Variants in PLCE1 observed in about 807,000 individuals in gnomAD.
PLCE1 encodes phospholipase C epsilon 1.
A neutral mutation model predicts 242.8 loss-of-function variants in PLCE1; 119 were observed. The ratio of observed to expected loss-of-function variants is 0.49; its 90% CI spans 0.42 to 0.57. The LOEUF is 0.57. PLCE1 is among the 20% of genes least tolerant of loss of function. The probability of loss-of-function intolerance (pLI) is 0.00; values close to 1 mark genes in which losing one functional copy is unlikely to be tolerated. For synonymous variants in PLCE1, 945 were observed against 1,017.4 expected, an observed-to-expected ratio of 0.93 and a Z score of 1.35; for missense variants, 2,441 against 2,788.8, an observed-to-expected ratio of 0.88 and a Z score of 2.81.
intron 3 of PLCE1, among the ~76,000 whole-genome samples, chr10:94,169,002 AT>A (rs951755120): frequency 6.6e-5 from 10 of 151,720 alleles, no homozygotes; most frequent in East Asian, 1.9e-4. Flanking sequence ...CCTGATTTTA[AT>A]TTTTTTTTAA....
chr10:94,306,138 A>AT lies in PLCE1; in HGVS notation c.5623-283dup, dbSNP rs1344865742. Reference sequence around the variant, plus strand: ...AGGCGCACACCACCATGCCCAGCTAATTTTTTGTATTTTAGTAGAGACAGG... The same window carrying AT: ...AGGCGCACACCACCATGCCCAGCTAATTTTTTTGTATTTTAGTAGAGACAGG... On this transcript the variant is annotated intron_variant, in intron 25 of 32. Transcript: ENST00000371380. The surrounding 1 kb of genome is among the most constrained non-coding windows in gnomAD (Gnocchi z 5.7). 6.6e-6 allele frequency among the ~76,000 whole-genome samples: 1 copy of AT among 151,844 alleles called. No individual in the cohort carries two copies. The highest frequency in any genetic ancestry group is 1.5e-5 in the Non-Finnish European group (1 of 67,952).
rs148247669 is a variant in PLCE1 at position 94,000,808 on chromosome 10, C to T, written c.-365+6550C>T. ...CCTCTCATGGGTGCAGCAGCCGCAGCGCCCTGAAGTCTCTGAAGTCTCATT... is the reference window on the plus strand; with the variant it reads ...CCTCTCATGGGTGCAGCAGCCGCAGTGCCCTGAAGTCTCTGAAGTCTCATT... On this transcript the variant is annotated intron_variant, in intron 1 of 32. Transcript: ENST00000371380. Among the ~76,000 whole-genome samples the T allele has an allele frequency of 7.8e-3, 1,190 of 152,276 alleles. 14 individuals are homozygous for T. Among genetic ancestry groups the T allele is most frequent in the African/African-American group, 0.027 (1,104 of 41,546 alleles).
chr10:94,041,197 G>T (rs2061760039), intron 2 of PLCE1, among the ~76,000 whole-genome samples: 1 of 152,028 alleles, frequency 6.6e-6, no homozygotes, highest in Non-Finnish European at 1.5e-5. Context: ...CTGACAGTCA[G>T]TGCTCAATAT....
At chr10:94,265,090 G>T (rs1321988721) in intron 14 of PLCE1, among the ~76,000 whole-genome samples, 1 of 152,340 alleles carries the variant, frequency 6.6e-6, no homozygotes, top group East Asian at 1.9e-4. Context: ...TACACTACAG[G>T]GTGTCAGCAG....
chr10:94,234,656 G>A (rs2050257041), intron 6 of PLCE1, among the ~76,000 whole-genome samples: 1 of 152,202 alleles, frequency 6.6e-6, no homozygotes, highest in Non-Finnish European at 1.5e-5. Context: ...TCAATTGAGA[G>A]TATTAAGTTT....
rs369944792 is a variant in PLCE1, at chr10:94,134,248, G to A, written c.1492+1789G>A. Among the ~76,000 whole-genome samples, 13 of 152,122 alleles carry A rather than the reference G, an allele frequency of 8.5e-5. No individual in the cohort carries two copies. The East Asian group carries it at 1.2e-3, about 14-fold the overall frequency. Reference sequence around the variant, plus strand: ...CGAGTAGCTGGGACCACAGGCACACGCCACCTCGTCTGGCTAATTTTTGTA... The same window carrying A: ...CGAGTAGCTGGGACCACAGGCACACACCACCTCGTCTGGCTAATTTTTGTA... On this transcript the variant is annotated intron_variant, in intron 3 of 32. Transcript: ENST00000371380.
intron 21 of PLCE1, 109 bp from the exon 22 acceptor site, chr10:94,284,739 G>T: frequency 1.3e-6 from 1 of 745,720 alleles, no homozygotes; most frequent in Non-Finnish European, 2.5e-6. Flanking sequence ...ACCATGCAAG[G>T]GGAAATACAG....
At chr10:94,287,123 G>A (rs1183793367) in intron 22 of PLCE1, 1 of 152,192 alleles carries the variant, frequency 6.6e-6, no homozygotes, top group East Asian at 1.9e-4. Context: ...TAAGCATGTG[G>A]TTGTTCGGCT....
chr10:94,281,983 G>C (rs1421087672), intron 20 of PLCE1, among the ~76,000 whole-genome samples: 1 of 151,564 alleles, frequency 6.6e-6, no homozygotes, highest in Non-Finnish European at 1.5e-5. Flanking sequence ...CTCTTAGGGG[G>C]CCTAAAAGGT....
chr10:94,119,066 C>T (rs1015933861), intron 2 of PLCE1, among the ~76,000 whole-genome samples: 12 of 152,212 alleles, frequency 7.9e-5, no homozygotes, highest in African/African-American at 2.9e-4. Flanking sequence ...AGTCCTCGCC[C>T]ACCCTGTGGG....
At chr10:94,196,289 C>G (rs902157952) in intron 4 of PLCE1, among the ~76,000 whole-genome samples, 7 of 152,148 alleles carry the variant, frequency 4.6e-5, no homozygotes, top group African/African-American at 1.4e-4. Flanking sequence ...TGCTGTTGCT[C>G]TATCCTATGT....
rs749311423 is a variant in PLCE1, at chr10:94,087,132, G to T, written c.1207-45042G>T. 1.2e-4 allele frequency among the ~76,000 whole-genome samples: 19 copies of T among 152,156 alleles called. No individual in the cohort carries two copies. In the Middle Eastern group the frequency reaches 0.01, roughly 82 times the overall value. On this transcript the variant is annotated intron_variant, in intron 2 of 32. Coordinates refer to ENST00000371380, the MANE Select transcript of PLCE1 (RefSeq NM_016341.4). ...GGAGGCCAAGGCATGAGGATTACTTGAGCCCAGGAGTTCGAGACCAGCCTG... is the reference window on the plus strand; with the variant it reads ...GGAGGCCAAGGCATGAGGATTACTTTAGCCCAGGAGTTCGAGACCAGCCTG...
chr10:94,223,819 T>C (rs1053199168), intron 4 of PLCE1, among the ~76,000 whole-genome samples: 7 of 152,176 alleles, frequency 4.6e-5, no homozygotes, highest in Non-Finnish European at 8.8e-5. Flanking sequence ...TAAACCATAG[T>C]ACTTTATATT....
intron 2 of PLCE1, chr10:94,108,471 C>G (rs932852736): frequency 1.3e-5 from 2 of 152,284 alleles, no homozygotes; most frequent in Admixed American, 1.3e-4. Context: ...CAACCTCTTT[C>G]TAACCCATGG....
At chr10:94,030,310 C>CT (rs2061531608) in intron 1 of PLCE1, among the ~76,000 whole-genome samples, 1 of 151,884 alleles carries the variant, frequency 6.6e-6, no homozygotes, top group Non-Finnish European at 1.5e-5. Context: ...CCTTCCTTGC[C>CT]TTGTTGCCTG....
chr10:94,312,864 G>T (rs2053429620), intron 27 of PLCE1, among the ~76,000 whole-genome samples: 1 of 152,288 alleles, frequency 6.6e-6, no homozygotes, highest in South Asian at 2.1e-4. Context: ...TCATGTGCCT[G>T]AATGATGTAC....
intron 31 of PLCE1, 134 bp from the exon 32 acceptor site, chr10:94,324,758 T>C: frequency 9.9e-7 from 1 of 1,014,586 alleles, no homozygotes; most frequent in Non-Finnish European, 1.5e-6. Flanking sequence ...TAAGCAGTCC[T>C]AGAGGGGAGC....
In PLCE1 at chr10:94,234,117, C is replaced by A. The variant is rs370241315; in HGVS notation, c.2019C>A (p.Ser673Arg). The change falls in exon 6 of 33, where the codon AGC (serine) becomes AGA (arginine). Residue 673 changes from serine (S) to arginine (R), a missense_variant. By Grantham distance (110) the Ser-to-Arg change is moderately radical. This residue lies in a region of PLCE1 where 733 missense variants were observed against 754.2 expected (regional missense o/e 0.97). Transcript: ENST00000371380. ...AGTCTGATATTGAGACCATGAGGAG[C>A]CTGAAGGATGCTATGGCCCAGCATG... ...MDQSDIETMR[S>R]LKDAMAQHES... 2.3e-5 allele frequency: 37 copies of A among 1,613,636 alleles called. No homozygotes were observed. The African/African-American group carries it at 4.5e-4, about 20-fold the overall frequency.
At chr10:94,071,204 G>A (rs1297070820) in intron 2 of PLCE1, among the ~76,000 whole-genome samples, 1 of 152,002 alleles carries the variant, frequency 6.6e-6, no homozygotes, top group East Asian at 1.9e-4. Flanking sequence ...CGGACCAGAA[G>A]GGCTGGAAGG....
Sources: allele counts gnomAD v4.1 joint callset (sites outside exome capture counted in the v4.1 genomes callset), GRCh38; gene constraint gnomAD v4.1.1; regional missense constraint gnomAD v4.1.1; non-coding constraint Gnocchi (gnomAD v3.1); transcripts MANE v1.5; gene names NCBI Gene and HGNC (gene_info 2026-07-23, HGNC 2026-07-21).